Variants in ZSCAN5A observed in about 807,000 individuals in gnomAD.
The protein encoded by ZSCAN5A is zinc finger and SCAN domain-containing protein 5A.
A neutral mutation model predicts 23.7 loss-of-function variants in ZSCAN5A; 12 were observed. The ratio of observed to expected loss-of-function variants is 0.51; its 90% CI spans 0.32 to 0.82. The LOEUF is 0.82. Ranked by LOEUF, ZSCAN5A falls within the 40% of genes least tolerant of loss-of-function variation. The probability of loss-of-function intolerance (pLI) is 0.03; values close to 1 mark genes in which losing one functional copy is unlikely to be tolerated. For missense variants in ZSCAN5A, 597 were observed against 617.9 expected, an observed-to-expected ratio of 0.97 and a Z score of 0.36; for synonymous variants, 257 against 239.9, an observed-to-expected ratio of 1.07 and a Z score of -0.66.
intron 2 of ZSCAN5A, among the ~76,000 whole-genome samples, chr19:56,335,070 CA>C (rs1266027716): frequency 6.6e-6 from 1 of 152,100 alleles, no homozygotes; most frequent in South Asian, 2.1e-4. Flanking sequence ...CATGAGCTGA[CA>C]GACAAAATAG....
At chr19:56,331,246 TTTG>T (rs2041485742) in intron 2 of ZSCAN5A, among the ~76,000 whole-genome samples, 1 of 152,172 alleles carries the variant, frequency 6.6e-6, no homozygotes, top group Non-Finnish European at 1.5e-5. Context: ...CAGCTTTGTT[TTTG>T]TTGTTGTTTA....
At chr19:56,313,934 C>T (rs1250368590) in intron 1 of ZSCAN5A, among the ~76,000 whole-genome samples, 1 of 152,174 alleles carries the variant, frequency 6.6e-6, no homozygotes, top group East Asian at 1.9e-4. Context: ...GGCAGCAGTT[C>T]TCAGTAGGCT....
At chr19:56,228,236 C>G (rs2304227) in intron 2 of ZSCAN5A, 59,035 of 985,144 alleles carry the variant, frequency 0.06, 2,357 homozygotes, top group East Asian at 0.23. Flanking sequence ...GACAGACATC[C>G]CCGCTGGACA....
chr19:56,339,015 A>G (rs1454156323), intron 2 of ZSCAN5A, among the ~76,000 whole-genome samples: 1 of 152,252 alleles, frequency 6.6e-6, no homozygotes, highest in Non-Finnish European at 1.5e-5. Context: ...GGGGAGAAAT[A>G]CAGAACAGGC....
At chr19:56,327,283 TG>T (rs1352980685) in intron 2 of ZSCAN5A, among the ~76,000 whole-genome samples, 1 of 150,890 alleles carries the variant, frequency 6.6e-6, no homozygotes, top group Non-Finnish European at 1.5e-5. Flanking sequence ...CACCTGGCTA[TG>T]TTTTTTATTC....
intron 1 of ZSCAN5A, among the ~76,000 whole-genome samples, chr19:56,314,081 C>T (rs2041214363): frequency 6.6e-6 from 1 of 152,168 alleles, no homozygotes; most frequent in Non-Finnish European, 1.5e-5. Flanking sequence ...TCCTACCACG[C>T]ACAGGGCAGC....
rs574971031 is a variant in ZSCAN5A, at chr19:56,365,991, A to G, written c.-522+2218T>C. On this transcript the variant is annotated intron_variant, in intron 1 of 6. Transcript: ENST00000587340. ...AAGAGTAGCCATTTTGAAATATACC[A>G]CGGCATTCTGTTCAATGCTCAGGAG... is the stretch of plus-strand genomic sequence containing the variant. The G allele has an allele frequency of 2.0e-5, 3 of 152,296 alleles. No homozygotes were observed. In the South Asian group the frequency reaches 6.2e-4, roughly 32 times the overall value. 9.4% of individuals were successfully genotyped at this position (152,296 alleles called of 1,614,324 possible). A position where few individuals can be genotyped will look rare whatever the true frequency, so the allele number is the denominator to read the frequency against.
chr19:56,273,530 G>A (rs181603086), intron 2 of ZSCAN5A, among the ~76,000 whole-genome samples: 23 of 152,324 alleles, frequency 1.5e-4, no homozygotes, highest in Non-Finnish European at 2.9e-4. Context: ...GGGATTCGGA[G>A]ATGGCCTCTC....
At chr19:56,315,550 G>A (rs1259088242), upstream of ZSCAN5A, 2 of 152,358 alleles carry the variant, frequency 1.3e-5, no homozygotes, top group Non-Finnish European at 2.9e-5. Flanking sequence ...AGCTGCCCAC[G>A]GGAGGGGAGA....
At chr19:56,270,789 T>C (rs2037792442) in intron 2 of ZSCAN5A, among the ~76,000 whole-genome samples, 1 of 152,160 alleles carries the variant, frequency 6.6e-6, no homozygotes, top group African/African-American at 2.4e-5. Context: ...GGGCAGGTGC[T>C]ACTGTGTAAT....
intron 2 of ZSCAN5A, among the ~76,000 whole-genome samples, chr19:56,348,630 T>TGCTTTCATAGC (rs1378993179): frequency 1.3e-5 from 2 of 152,228 alleles, no homozygotes; most frequent in Non-Finnish European, 2.9e-5. Context: ...ACTCCAAGTA[T>TGCTTTCATAGC]GCTTTCATAG....
chr19:56,302,770 C>T (rs2040430735), intron 2 of ZSCAN5A: 1 of 397,950 alleles, frequency 2.5e-6, no homozygotes, highest in Non-Finnish European at 4.4e-6. Context: ...CTAACACAGC[C>T]CCAGGGGCTC....
intron 2 of ZSCAN5A, chr19:56,320,277 A>G (rs912688404): frequency 2.2e-6 from 1 of 460,064 alleles, no homozygotes; most frequent in African/African-American, 2.0e-5. Flanking sequence ...GACATTTAGA[A>G]AGGCCAGGCG....
intron 2 of ZSCAN5A, among the ~76,000 whole-genome samples, chr19:56,307,311 C>G (rs567525852): frequency 6.6e-6 from 1 of 152,196 alleles, no homozygotes; most frequent in Non-Finnish European, 1.5e-5. Flanking sequence ...ACCCCCACCC[C>G]CTGCTGCAGT....
intron 2 of ZSCAN5A, among the ~76,000 whole-genome samples, chr19:56,231,489 T>C (rs1429140858): frequency 1.3e-5 from 2 of 152,174 alleles, no homozygotes; most frequent in Admixed American, 1.3e-4. Context: ...CTTGGATGCC[T>C]AACAGACCTG....
intron 2 of ZSCAN5A, among the ~76,000 whole-genome samples, chr19:56,232,562 A>G (rs61430833): frequency 0.014 from 2,187 of 152,180 alleles, 62 homozygotes; most frequent in African/African-American, 0.051. Flanking sequence ...AGCTCTCCTC[A>G]TCTCAACTAC....
intron 2 of ZSCAN5A, among the ~76,000 whole-genome samples, chr19:56,302,545 G>GCTCCTCCCTCCCTCCCCCCTTCCTTTTC (rs2040354748): frequency 4.6e-5 from 1 of 21,592 alleles, no homozygotes; most frequent in Non-Finnish European, 9.7e-5. Flanking sequence ...CTTCCTCCCC[G>GCTCCTCCCTCCCTCCCCCCTTCCTTTTC]TTCCTCCCTC....
At chr19:56,287,152 C>G (rs1337842629) in intron 2 of ZSCAN5A, among the ~76,000 whole-genome samples, 1 of 152,212 alleles carries the variant, frequency 6.6e-6, no homozygotes, top group Non-Finnish European at 1.5e-5. Flanking sequence ...TTTTGTCCAT[C>G]TTAGGTGGTG....
chr19:56,286,893 T>C (rs1394758449), intron 2 of ZSCAN5A, among the ~76,000 whole-genome samples: 1 of 152,234 alleles, frequency 6.6e-6, no homozygotes, highest in African/African-American at 2.4e-5. Flanking sequence ...ATCTGGAATT[T>C]CCACCTGGCT....
Sources: allele counts gnomAD v4.1 joint callset (sites outside exome capture counted in the v4.1 genomes callset), GRCh38; gene constraint gnomAD v4.1.1; transcripts MANE v1.5; gene names NCBI Gene and HGNC (gene_info 2026-07-23, HGNC 2026-07-21).